KIDINS220: variants seen among roughly 807,000 people sequenced by gnomAD.
The protein encoded by KIDINS220 is kinase D interacting substrate 220.
In KIDINS220, 63 loss-of-function variants were observed where a neutral mutation model predicts 157.6. That is an observed-to-expected ratio of 0.40 (90% CI 0.33 to 0.49). The LOEUF (loss-of-function observed/expected upper bound fraction) is 0.49. Among genes scored for constraint, KIDINS220 ranks in the 20% least tolerant of loss-of-function variants. KIDINS220 has a pLI of 0.66. For missense variants in KIDINS220, 1,772 were observed against 2,171.2 expected, an observed-to-expected ratio of 0.82 and a Z score of 3.65; for synonymous variants, 732 against 783.6, an observed-to-expected ratio of 0.93 and a Z score of 1.10.
chr2:8,829,573 A>G (rs947514864), intron 1 of KIDINS220, among the ~76,000 whole-genome samples: 5 of 152,194 alleles, frequency 3.3e-5, no homozygotes, highest in Admixed American at 1.3e-4. Context: ...GATAATATAC[A>G]GTCATCAAAA....
rs778975977 is a variant in KIDINS220, at chr2:8,779,105, G to A, written c.2405C>T (p.Ala802Val). The A allele has an allele frequency of 2.5e-6, 4 of 1,613,750 alleles. No individual in the cohort carries two copies. Among genetic ancestry groups the A allele is most frequent in the Admixed American group, 1.7e-5 (1 of 60,020 alleles). Residue 802 changes from alanine (A) to valine (V), a missense_variant, in exon 19 of 30, where the codon GCC becomes GTC. Ala to Val is a moderately conservative substitution (Grantham distance 64). Transcript: ENST00000256707. ...RVLFSKGPFI[A>V]IFASDPHIII... ...AATATGTGGATCACTTGCAAAAATG[G>A]CAATGAACGGGCCTTTTGAAAACAG...
intron 1 of KIDINS220, among the ~76,000 whole-genome samples, chr2:8,827,801 T>A (rs1419429702): frequency 2.0e-5 from 3 of 152,222 alleles, no homozygotes; most frequent in Non-Finnish European, 2.9e-5. Flanking sequence ...CCCCTAAATA[T>A]ATATAATTTG....
At chr2:8,751,205 T>A (rs867030157) in intron 23 of KIDINS220, among the ~76,000 whole-genome samples, 1 of 3,784 alleles carries the variant, frequency 2.6e-4, no homozygotes, top group African/African-American at 8.7e-4. Flanking sequence ...GCGGGAGGGG[T>A]GGGGACAGGG....
At chr2:8,830,235 A>G (rs1018718292) in intron 1 of KIDINS220, among the ~76,000 whole-genome samples, 5 of 152,216 alleles carry the variant, frequency 3.3e-5, no homozygotes, top group Admixed American at 6.5e-5. Context: ...GCAAAACAGA[A>G]AAATGTATTT....
intron 1 of KIDINS220, among the ~76,000 whole-genome samples, chr2:8,830,624 G>T (rs1202237367): frequency 6.6e-6 from 1 of 152,136 alleles, no homozygotes; most frequent in Non-Finnish European, 1.5e-5. Flanking sequence ...TCACCATGTT[G>T]CCCAGGCTGG....
At position 8,821,003 on chromosome 2, in the gene KIDINS220, A is replaced by G. The variant is rs1234027528; in HGVS notation, c.109-2210T>C. On this transcript the variant is annotated intron_variant, in intron 2 of 29. Coordinates refer to ENST00000256707, the MANE Select transcript of KIDINS220 (RefSeq NM_020738.4). ...AGTCCTGAGAATACATCAATTTTAC[A>G]TCACAGTTTTCAAAATTATAATTCC... 1.3e-5 allele frequency among the ~76,000 whole-genome samples: 2 copies of G among 152,176 alleles called. 1 individual carries two copies. Among genetic ancestry groups the G allele is most frequent in the South Asian group, 4.1e-4 (2 of 4,836 alleles).
chr2:8,770,816 G>T lies in KIDINS220; in HGVS notation c.2865C>A (p.Ala955=). The change falls in exon 22 of 30, where the codon GCC becomes GCA. Residue 955 remains alanine, a synonymous_variant. Transcript: ENST00000256707. ...TGTCCCAGTTGAAACTAATCTGATT[G>T]GCTCTCAGTAATCGTCCTTTTAAAA... is the stretch of plus-strand genomic sequence containing the variant. ...IVSVTGRLLR[A]NQISFNWDRL... 2 of 1,598,642 alleles carry T rather than the reference G, an allele frequency of 1.3e-6. No individual in the cohort carries two copies. Among genetic ancestry groups the T allele is most frequent in the Non-Finnish European group, 8.5e-7 (1 of 1,173,574 alleles).
At chr2:8,828,435 T>C (rs1679143628) in intron 1 of KIDINS220, among the ~76,000 whole-genome samples, 1 of 152,212 alleles carries the variant, frequency 6.6e-6, no homozygotes, top group Non-Finnish European at 1.5e-5. Context: ...AAATGACATA[T>C]TGTTCACTTA....
chr2:8,793,299 G>A (rs1673447613), intron 12 of KIDINS220, among the ~76,000 whole-genome samples: 1 of 152,036 alleles, frequency 6.6e-6, no homozygotes, highest in Non-Finnish European at 1.5e-5. Context: ...CTCAGCCCCA[G>A]ACTAGGGAAC....
intron 11 of KIDINS220, among the ~76,000 whole-genome samples, chr2:8,796,317 A>G (rs1355272712): frequency 6.6e-6 from 1 of 152,250 alleles, no homozygotes; most frequent in Non-Finnish European, 1.5e-5. Flanking sequence ...ACTTAGAGCT[A>G]AACTTATTAT....
chr2:8,826,277 G>A (rs1232731256), intron 2 of KIDINS220, among the ~76,000 whole-genome samples: 1 of 152,010 alleles, frequency 6.6e-6, no homozygotes, highest in Non-Finnish European at 1.5e-5. Flanking sequence ...AAAGTGTGTG[G>A]GACAAACAAT....
chr2:8,754,382 CAT>C (rs1667736365), intron 22 of KIDINS220, among the ~76,000 whole-genome samples: 1 of 152,202 alleles, frequency 6.6e-6, no homozygotes, highest in Non-Finnish European at 1.5e-5. Context: ...CCATCAAAAT[CAT>C]ATGTGCCTTT....
intron 26 of KIDINS220, among the ~76,000 whole-genome samples, chr2:8,743,041 C>T (rs570545463): frequency 1.3e-5 from 2 of 152,274 alleles, no homozygotes; most frequent in African/African-American, 4.8e-5. Flanking sequence ...TGGCCAGACA[C>T]AGGGCCTCAA....
intron 22 of KIDINS220, among the ~76,000 whole-genome samples, chr2:8,758,242 T>C (rs1668292140): frequency 6.6e-6 from 1 of 152,190 alleles, no homozygotes. Context: ...CAACCTGTAA[T>C]CTGCATAAAA....
At chr2:8,753,418 G>A (rs1210678595) in intron 22 of KIDINS220, among the ~76,000 whole-genome samples, 1 of 152,176 alleles carries the variant, frequency 6.6e-6, no homozygotes, top group South Asian at 2.1e-4. Flanking sequence ...ACAAGGGAGG[G>A]TATCAAAGGA....
chr2:8,806,062 A>G (rs1675402913), intron 7 of KIDINS220, among the ~76,000 whole-genome samples: 1 of 152,224 alleles, frequency 6.6e-6, no homozygotes. Flanking sequence ...TTGTGTGTGC[A>G]TTAGCAACAG....
chr2:8,725,881 G>T (rs1663253380), downstream of KIDINS220, among the ~76,000 whole-genome samples: 1 of 152,116 alleles, frequency 6.6e-6, no homozygotes, highest in South Asian at 2.1e-4. Flanking sequence ...GAAAAACGAA[G>T]AAAGGGTTCC....
Position 8,730,710 on chromosome 2 carries a change from C to T in KIDINS220, c.*10G>A, listed in dbSNP as rs746411884. ...GGTACAGTAACACTCTTCTCCTTTGCTTGTTTTTCTCAAAGAATGCTTTCT... is the reference window on the plus strand; with the variant it reads ...GGTACAGTAACACTCTTCTCCTTTGTTTGTTTTTCTCAAAGAATGCTTTCT... On this transcript the variant is annotated 3_prime_UTR_variant, in exon 30 of 30. Transcript: ENST00000256707. 1 of 1,610,138 alleles carries T rather than the reference C, an allele frequency of 6.2e-7. No homozygotes were observed. Among genetic ancestry groups the T allele is most frequent in the South Asian group, 1.1e-5 (1 of 90,578 alleles).
At chr2:8,809,522 T>C (rs1675987647) in intron 6 of KIDINS220, among the ~76,000 whole-genome samples, 2 of 151,696 alleles carry the variant, frequency 1.3e-5, no homozygotes. Context: ...TAATAATTAT[T>C]ATTCCTAATA....
Sources: allele counts gnomAD v4.1 joint callset (sites outside exome capture counted in the v4.1 genomes callset), GRCh38; gene constraint gnomAD v4.1.1; transcripts MANE v1.5; gene names NCBI Gene and HGNC (gene_info 2026-07-23, HGNC 2026-07-21).